PTPRD: variants seen among roughly 807,000 people sequenced by gnomAD.
PTPRD encodes protein tyrosine phosphatase receptor type D.
PTPRD carries 34 observed loss-of-function variants against 214.5 expected under a neutral mutation model. The ratio of observed to expected loss-of-function variants is 0.16; its 90% CI spans 0.12 to 0.21. The LOEUF (loss-of-function observed/expected upper bound fraction) is 0.21. Among genes scored for constraint, PTPRD ranks in the 10% least tolerant of loss-of-function variants. The pLI is 1.00. For missense variants in PTPRD, 2,545 were observed against 2,398.7 expected (o/e 1.06, Z -1.27); for synonymous variants, 1,128 against 845.7 (o/e 1.33, Z -5.79).
At chr9:10,141,647 A>G (rs1166325851) in intron 3 of PTPRD, among the ~76,000 whole-genome samples, 1 of 152,046 alleles carries the variant, frequency 6.6e-6, no homozygotes, top group African/African-American at 2.4e-5. Context: ...GGGTAGGAAC[A>G]ATCAATATCG....
At chr9:10,526,989 C>T (rs10959148) in intron 2 of PTPRD, among the ~76,000 whole-genome samples, 24,655 of 152,032 alleles carry the variant, frequency 0.16, 2,377 homozygotes, top group Admixed American at 0.27. Context: ...ATTCTTATTC[C>T]TCTTAGCCTG....
chr9:9,156,006 A>G (rs1049818366), intron 10 of PTPRD, among the ~76,000 whole-genome samples: 42 of 152,158 alleles, frequency 2.8e-4, no homozygotes, highest in Non-Finnish European at 5.7e-4. Context: ...CTAATAGGCT[A>G]TAACAGCTCC....
At chr9:10,082,576 T>A (rs2098258093) in intron 3 of PTPRD, among the ~76,000 whole-genome samples, 1 of 151,852 alleles carries the variant, frequency 6.6e-6, no homozygotes, top group South Asian at 2.1e-4. Context: ...AGAGGTGAAG[T>A]TATGTAGAAA....
intron 5 of PTPRD, chr9:9,800,717 T>A (rs2153506950): frequency 6.6e-6 from 1 of 152,326 alleles, no homozygotes; most frequent in South Asian, 2.1e-4. Context: ...GAATGATATG[T>A]CATTAATATT....
chr9:8,324,330 TATAAGTGAGA>T lies in PTPRD; in HGVS notation c.5535-4374_5535-4365del, dbSNP rs368852665. Reference sequence around the variant, plus strand: ...GTGTTCTCACTATTCCACTCCCACTTATAAGTGAGAATATGCGGCGTTTGATTTTCTGTTC... The same window carrying T: ...GTGTTCTCACTATTCCACTCCCACTTATATGCGGCGTTTGATTTTCTGTTC... On this transcript the variant is annotated intron_variant, in intron 44 of 45. Transcript: ENST00000381196. 1.5e-3 allele frequency among the ~76,000 whole-genome samples: 233 copies of T among 152,248 alleles called. 4 individuals carry two copies. In the East Asian group the frequency reaches 0.026, roughly 17 times the overall value.
At chr9:10,101,023 T>C (rs544718395) in intron 3 of PTPRD, among the ~76,000 whole-genome samples, 25 of 151,806 alleles carry the variant, frequency 1.6e-4, no homozygotes, top group Non-Finnish European at 3.0e-4. Flanking sequence ...ATTAAATAAA[T>C]ATTCCAAAGT....
intron 3 of PTPRD, among the ~76,000 whole-genome samples, chr9:10,297,064 A>G (rs999056286): frequency 1.3e-5 from 2 of 149,580 alleles, no homozygotes; most frequent in African/African-American, 2.4e-5. Context: ...GTTTCCAGGG[A>G]ACATAGAGCA....
intron 30 of PTPRD, among the ~76,000 whole-genome samples, chr9:8,477,504 T>C (rs1443037363): frequency 6.6e-6 from 1 of 152,188 alleles, no homozygotes. Flanking sequence ...CCACTTCAAA[T>C]TCAGTCAGGC....
chr9:10,599,506 G>A (rs1232063511), intron 2 of PTPRD, among the ~76,000 whole-genome samples: 2 of 151,646 alleles, frequency 1.3e-5, no homozygotes, highest in African/African-American at 2.4e-5. Context: ...CAGGAATTCT[G>A]ACATATGACC....
intron 9 of PTPRD, among the ~76,000 whole-genome samples, chr9:9,355,083 C>T (rs1422937303): frequency 2.0e-5 from 3 of 151,598 alleles, no homozygotes; most frequent in African/African-American, 4.8e-5. Flanking sequence ...ACTCTTGCAG[C>T]TTTATTAAGA....
chr9:9,954,457 T>C lies in PTPRD; in HGVS notation c.-471-15847A>G, dbSNP rs142111701. ...CTTTAAACATGTTGTTTTAACATTA[T>C]GAAAATACTTCTTGTAAGAGAACTA... On this transcript the variant is annotated intron_variant, in intron 4 of 45. Transcript: ENST00000381196. Among the ~76,000 whole-genome samples the C allele has an allele frequency of 4.3e-3, 652 of 152,090 alleles. 3 individuals are homozygous for C. Among genetic ancestry groups the C allele is most frequent in the Middle Eastern group, 0.034 (10 of 290 alleles).
At chr9:10,542,987 G>C (rs1422384089) in intron 2 of PTPRD, among the ~76,000 whole-genome samples, 1 of 152,098 alleles carries the variant, frequency 6.6e-6, no homozygotes, top group Non-Finnish European at 1.5e-5. Flanking sequence ...CCAACCTCAG[G>C]TGATGCACCT....
intron 4 of PTPRD, among the ~76,000 whole-genome samples, chr9:9,964,859 T>C (rs2094579450): frequency 1.3e-5 from 2 of 152,150 alleles, no homozygotes; most frequent in Admixed American, 1.3e-4. Flanking sequence ...CCAGGAAGTA[T>C]AATATGTACT....
chr9:8,339,008 T>C lies in PTPRD; in HGVS notation c.5293A>G (p.Arg1765Gly). 4 of 1,612,368 alleles carry C rather than the reference T, an allele frequency of 2.5e-6. No individual in the cohort carries two copies. Among genetic ancestry groups the C allele is most frequent in the Non-Finnish European group, 3.4e-6 (4 of 1,178,848 alleles). The change falls in exon 43 of 46, where the codon AGA (arginine) becomes GGA (glycine). Residue 1765 changes from arginine (R) to glycine (G), a missense_variant. Coordinates refer to ENST00000381196, the MANE Select transcript of PTPRD (RefSeq NM_002839.4). ...HQYWPAERSA[R>G]YQYFVVDPMA... The stretch of plus-strand genomic sequence containing the variant: ...GGATCTACAACAAAGTACTGGTATC[T>C]TGCAGACCGTTCTGCTGGCCAGTAT...
At chr9:8,968,208 T>C (rs1819054115) in intron 11 of PTPRD, among the ~76,000 whole-genome samples, 1 of 152,152 alleles carries the variant, frequency 6.6e-6, no homozygotes, top group Admixed American at 6.6e-5. Flanking sequence ...AGTGCTGCAA[T>C]AAACATACGT....
At chr9:8,566,926 T>C in intron 14 of PTPRD, among the ~76,000 whole-genome samples, 1 of 152,140 alleles carries the variant, frequency 6.6e-6, no homozygotes. Flanking sequence ...AAGTAAAAAC[T>C]TCATTCTTGA....
At chr9:9,595,484 G>A (rs142023858) in intron 7 of PTPRD, among the ~76,000 whole-genome samples, 4,330 of 149,806 alleles carry the variant, frequency 0.029, 94 homozygotes, top group Non-Finnish European at 0.046. Flanking sequence ...GCATACACAT[G>A]TATGCATATG....
intron 14 of PTPRD, among the ~76,000 whole-genome samples, chr9:8,601,677 T>A (rs2094876266): frequency 6.6e-6 from 1 of 152,218 alleles, no homozygotes; most frequent in African/African-American, 2.4e-5. Context: ...ACCACTGTGC[T>A]ATTGGGGTTG....
At chr9:9,270,197 A>T (rs929889325) in intron 9 of PTPRD, among the ~76,000 whole-genome samples, 1 of 151,292 alleles carries the variant, frequency 6.6e-6, no homozygotes, top group Non-Finnish European at 1.5e-5. Context: ...CACACATTAA[A>T]TATGAACAAT....
Sources: allele counts gnomAD v4.1 joint callset (sites outside exome capture counted in the v4.1 genomes callset), GRCh38; gene constraint gnomAD v4.1.1; transcripts MANE v1.5; gene names NCBI Gene and HGNC (gene_info 2026-07-23, HGNC 2026-07-21).